The following COPS5 variants were observed in gnomAD, a reference collection of about 807,000 sequenced individuals.
The protein encoded by COPS5 is COP9 signalosome subunit 5.
A neutral mutation model predicts 44.4 loss-of-function variants in COPS5; 8 were observed. The observed-to-expected ratio is 0.18, with a 90% confidence interval of 0.11 to 0.32. The LOEUF is 0.32. Ranked by LOEUF, COPS5 falls within the 10% of genes least tolerant of loss-of-function variation. The pLI, the probability that COPS5 is intolerant of heterozygous loss-of-function variation, is 1.00. For missense variants in COPS5, 159 were observed against 406.4 expected (o/e 0.39, Z 5.23); for synonymous variants, 122 against 142.8 (o/e 0.85, Z 1.04).
intron 1 of COPS5, chr8:67,061,249 G>A: frequency 3.3e-6 from 1 of 305,492 alleles, no homozygotes; most frequent in Non-Finnish European, 6.5e-6. Flanking sequence ...TAACATTTTA[G>A]AGACCAGGTA....
chr8:67,045,534 A>G, intron 7 of COPS5: 2 of 379,952 alleles, frequency 5.3e-6, no homozygotes, highest in Non-Finnish European at 9.6e-6. Context: ...CTTTTGTCAC[A>G]CTTTCTAGTT....
Position 67,043,123 on chromosome 8 carries a change from ACTTCAGAGCAC to A in COPS5, c.*99_*109del, listed in dbSNP as rs546515187. 4.0e-3 allele frequency: 2,365 copies of A among 598,440 alleles called. 42 individuals are homozygous for A. The African/African-American group carries it at 0.04, about 10-fold the overall frequency. The allele number at this position is 598,440 out of a possible 1,614,324, so 37.1% of individuals were successfully genotyped here. On this transcript the variant is annotated 3_prime_UTR_variant, in exon 8 of 8. Coordinates refer to ENST00000357849, the MANE Select transcript of COPS5 (RefSeq NM_006837.3). ...ATTACAGGATATTAATATTTAGGACACTTCAGAGCACCTTATACTTCTAATCAGATTTTGGG... is the reference window on the plus strand; with the variant it reads ...ATTACAGGATATTAATATTTAGGACACTTATACTTCTAATCAGATTTTGGG...
At position 67,059,397 on chromosome 8, in the gene COPS5, C is replaced by A; in HGVS notation, c.192G>T (p.Lys64Asn). The change falls in exon 2 of 8, where the codon AAG (lysine) becomes AAT (asparagine). Residue 64 changes from lysine (K) to asparagine (N), a missense_variant. Physicochemically the swap from Lys to Asn is moderately conservative, Grantham distance 94 (BLOSUM62 0). Around this residue, in one of 2 missense-constraint regions of COPS5, gnomAD observed 134 missense variants for 376.7 expected, o/e 0.36. Transcript: ENST00000357849. Reference protein sequence around the residue: ...YCKISALALLKMVMHARSGGN... With the variant: ...YCKISALALLNMVMHARSGGN... The stretch of plus-strand genomic sequence containing the variant: ...CTCCCGATCTGGCATGCATCACCAT[C>A]TTCAGCAGAGCCAATGCTGAGATTT... The A allele has an allele frequency of 6.2e-7, 1 of 1,614,236 alleles. No homozygotes were observed. The highest frequency in any genetic ancestry group is 8.5e-7 in the Non-Finnish European group (1 of 1,180,036).
At chr8:67,060,327 T>C (rs1434499514) in intron 1 of COPS5, 22 of 1,179,578 alleles carry the variant, frequency 1.9e-5, no homozygotes, top group Non-Finnish European at 9.6e-6. Context: ...GAACCTAAAA[T>C]GCACAGCCTG....
At chr8:67,061,626 C>A in intron 1 of COPS5, 1 of 549,588 alleles carries the variant, frequency 1.8e-6, no homozygotes, top group Non-Finnish European at 3.3e-6. Flanking sequence ...TAAATCACCG[C>A]TTGTTGTTCT....
chr8:67,055,524 C>T (rs2129537932), intron 5 of COPS5, among the ~76,000 whole-genome samples: 1 of 152,130 alleles, frequency 6.6e-6, no homozygotes, highest in South Asian at 2.1e-4. Context: ...GCTTCTTTAA[C>T]ATTAAAATAA....
At chr8:67,060,619 C>A in intron 1 of COPS5, 1 of 565,416 alleles carries the variant, frequency 1.8e-6, no homozygotes, top group Non-Finnish European at 2.8e-6. Context: ...TATACATTAT[C>A]TCACCTAATC....
intron 4 of COPS5, 49 bp from the exon 5 acceptor site, chr8:67,056,653 ATATATATATATATATAT>A (rs1480854944): frequency 0.015 from 306 of 20,746 alleles, 60 homozygotes; most frequent in South Asian, 0.032. Flanking sequence ...AAAAAAAAAA[ATATATATATATATATAT>A]ATATATATAT....
intron 5 of COPS5, 30 bp downstream of exon 5, chr8:67,056,489 C>T (rs768052907): frequency 4.7e-6 from 4 of 846,456 alleles, no homozygotes; most frequent in Non-Finnish European, 7.7e-6. Flanking sequence ...GTCACCGTGC[C>T]TGGCCCAGAT....
intron 1 of COPS5, chr8:67,061,203 A>T: frequency 7.6e-6 from 2 of 263,042 alleles, no homozygotes; most frequent in South Asian, 6.8e-5. Context: ...CTTAAGCTCT[A>T]TTTTTATAAT....
intron 2 of COPS5, among the ~76,000 whole-genome samples, 156 bp from the exon 3 acceptor site, chr8:67,058,367 C>G (rs1804541240): frequency 6.6e-6 from 1 of 152,180 alleles, no homozygotes; most frequent in South Asian, 2.1e-4. Flanking sequence ...ATTGCTTACC[C>G]TTACAGAGAT....
rs1317416454 is a variant in COPS5, at chr8:67,050,612, A to AGTGTGTGT, written c.771+617_771+618insACACACAC. On this transcript the variant is annotated intron_variant, in intron 6 of 7. Coordinates refer to ENST00000357849, the MANE Select transcript of COPS5 (RefSeq NM_006837.3). ...CTTGACCTGGAAATATGTGAGTGTG[A>AGTGTGTGT]GAGTGTGTGTGTGTGTGTGTGTGTG... Among the ~76,000 whole-genome samples the AGTGTGTGT allele has an allele frequency of 2.5e-5, 3 of 118,282 alleles. 1 individual carries two copies. Among genetic ancestry groups the AGTGTGTGT allele is most frequent in the African/African-American group, 9.4e-5 (2 of 21,274 alleles). 77.6% of individuals were successfully genotyped at this position (118,282 alleles called of 152,430 possible). A position where few individuals can be genotyped will look rare whatever the true frequency, so the allele number is the denominator to read the frequency against.
chr8:67,051,195 A>C (rs943016039), intron 6 of COPS5, 35 bp downstream of exon 6: 1 of 1,296,750 alleles, frequency 7.7e-7, no homozygotes, highest in Non-Finnish European at 1.1e-6. Flanking sequence ...GCTTAGATAA[A>C]ATTCAAATGC....
chr8:67,060,276 A>T, intron 1 of COPS5: 3 of 1,039,854 alleles, frequency 2.9e-6, no homozygotes, highest in Non-Finnish European at 3.7e-6. Flanking sequence ...ACAATTAGAC[A>T]GTGAGGCAGG....
At position 67,059,430 on chromosome 8, in the gene COPS5, C is replaced by T; in HGVS notation, c.159G>A (p.Lys53=). 6.2e-7 allele frequency: 1 copy of T among 1,613,168 alleles called. No homozygotes were observed. The highest frequency in any genetic ancestry group is 8.5e-7 in the Non-Finnish European group (1 of 1,179,172). ...GAGCCAATGCTGAGATTTTGCAGTA[C>T]TTAAAGTAATGGTGACTGCAAAACA... ...KPWTKDHHYF[K]YCKISALALL... The change falls in exon 2 of 8, where the codon AAG becomes AAA. Residue 53 remains lysine, a synonymous_variant. Coordinates refer to ENST00000357849, the MANE Select transcript of COPS5 (RefSeq NM_006837.3).
intron 6 of COPS5, 106 bp downstream of exon 6, chr8:67,051,124 T>C (rs1268904091): frequency 3.9e-6 from 3 of 767,734 alleles, no homozygotes; most frequent in South Asian, 3.0e-5. Context: ...CCCTGGTGTC[T>C]TGGCCAAGTC....
intron 6 of COPS5, among the ~76,000 whole-genome samples, chr8:67,050,478 C>T (rs368786841): frequency 6.6e-6 from 1 of 152,172 alleles, no homozygotes; most frequent in Admixed American, 6.5e-5. Context: ...AGTTGGCCCA[C>T]ACCAGGCCTA....
rs762891069 is a variant in COPS5 at position 67,051,222 on chromosome 8, G to A, written c.771+8C>T. The A allele has an allele frequency of 6.8e-7, 1 of 1,470,646 alleles. No homozygotes were observed. The highest frequency in any genetic ancestry group is 1.7e-5 in the Admixed American group (1 of 59,802). The allele number at this position is 1,470,646 out of a possible 1,614,324, so 91.1% of individuals were successfully genotyped here. ...TTCAAATGCATTCTTTACAAGTATA[G>A]TACTTACAGTAAGCAAGCTAGAAGA... On this transcript the variant is annotated splice_region_variant and intron_variant, in intron 6 of 7. Coordinates refer to ENST00000357849, the MANE Select transcript of COPS5 (RefSeq NM_006837.3).
At position 67,058,342 on chromosome 8, in the gene COPS5, C is replaced by T. The variant is rs188674486; in HGVS notation, c.379-131G>A. On this transcript the variant is annotated intron_variant, in intron 2 of 7. Transcript: ENST00000357849. ...TTACCCACTTTTCTCAGCCCAGATGCGAAATCTATGGGCAATTGCTTACCC... is the reference window on the plus strand; with the variant it reads ...TTACCCACTTTTCTCAGCCCAGATGTGAAATCTATGGGCAATTGCTTACCC... 1,255 of 800,120 alleles carry T rather than the reference C, an allele frequency of 1.6e-3. 1 individual carries two copies. The highest frequency in any genetic ancestry group is 4.7e-3 in the South Asian group (256 of 54,594). The allele number at this position is 800,120 out of a possible 1,614,324, so 49.6% of individuals were successfully genotyped here.
Sources: allele counts gnomAD v4.1 joint callset (sites outside exome capture counted in the v4.1 genomes callset), GRCh38; gene constraint gnomAD v4.1.1; regional missense constraint gnomAD v4.1.1; transcripts MANE v1.5; gene names NCBI Gene and HGNC (gene_info 2026-07-23, HGNC 2026-07-21).